Variants in SCHIP1 observed in about 807,000 individuals in gnomAD.
SCHIP1 encodes schwannomin-interacting protein 1.
In SCHIP1, 8 loss-of-function variants were observed where a neutral mutation model predicts 29.7. That is an observed-to-expected ratio of 0.27 (90% CI 0.16 to 0.49). SCHIP1 has a LOEUF of 0.49. SCHIP1 is among the 20% of genes least tolerant of loss of function. The probability of loss-of-function intolerance (pLI) is 0.99; values close to 1 mark genes in which losing one functional copy is unlikely to be tolerated. For synonymous variants in SCHIP1, 76 were observed against 94.9 expected (o/e 0.80, Z 1.16); for missense variants, 193 against 294.6 (o/e 0.66, Z 2.52).
At chr3:159,722,835 T>C in the SCHIP1 span, among the ~76,000 whole-genome samples, 1 of 152,244 alleles carries the variant, frequency 6.6e-6, no homozygotes, top group Non-Finnish European at 1.5e-5. Context: ...GAACCCTCTG[T>C]TTCTGAGTCC....
chr3:159,813,459 G>A, the SCHIP1 span, among the ~76,000 whole-genome samples: 1 of 152,162 alleles, frequency 6.6e-6, no homozygotes, highest in Non-Finnish European at 1.5e-5. Flanking sequence ...GAGCCCAGGA[G>A]GCAGGAGGAT....
the SCHIP1 span, among the ~76,000 whole-genome samples, chr3:159,432,066 A>G: frequency 6.6e-6 from 1 of 152,080 alleles, no homozygotes; most frequent in Non-Finnish European, 1.5e-5. Flanking sequence ...AGTAGCTTGT[A>G]TGGGTGGTCT....
chr3:159,335,131 C>A, the SCHIP1 span, among the ~76,000 whole-genome samples: 1 of 152,020 alleles, frequency 6.6e-6, no homozygotes, highest in Admixed American at 6.6e-5. Context: ...AACTCCTGAC[C>A]TTAAGTGATC....
At chr3:159,830,181 G>A in the SCHIP1 span, among the ~76,000 whole-genome samples, 1,093 of 152,252 alleles carry the variant, frequency 7.2e-3, 12 homozygotes, top group African/African-American at 0.025. Flanking sequence ...TTAGTTCTAT[G>A]TAAAGCTATA....
At chr3:159,422,181 C>A in the SCHIP1 span, among the ~76,000 whole-genome samples, 8 of 152,090 alleles carry the variant, frequency 5.3e-5, no homozygotes, top group Non-Finnish European at 1.2e-4. Flanking sequence ...ATATGCTAAG[C>A]AGAAGTCTGA....
At chr3:159,584,309 A>G in the SCHIP1 span, among the ~76,000 whole-genome samples, 1 of 152,186 alleles carries the variant, frequency 6.6e-6, no homozygotes, top group Non-Finnish European at 1.5e-5. Flanking sequence ...ACATGGACAG[A>G]GTCACATGCT....
chr3:159,681,812 CAACGTTAACTT>C, the SCHIP1 span, among the ~76,000 whole-genome samples: 1 of 152,172 alleles, frequency 6.6e-6, no homozygotes, highest in African/African-American at 2.4e-5. Context: ...TGGGTTAACT[CAACGTTAACTT>C]AGGTTAACTT....
chr3:159,643,771 T>A, the SCHIP1 span, among the ~76,000 whole-genome samples: 1 of 152,092 alleles, frequency 6.6e-6, no homozygotes, highest in East Asian at 1.9e-4. Context: ...TAATTGATGT[T>A]TTCTTCCTTA....
chr3:159,298,031 A>T, the SCHIP1 span, among the ~76,000 whole-genome samples: 1 of 152,220 alleles, frequency 6.6e-6, no homozygotes, highest in Non-Finnish European at 1.5e-5. Context: ...AGCAAGCTCT[A>T]TGAGGGTAGG....
At chr3:159,645,581 G>A in the SCHIP1 span, among the ~76,000 whole-genome samples, 450 of 152,200 alleles carry the variant, frequency 3.0e-3, 4 homozygotes, top group African/African-American at 9.5e-3. Context: ...CACCCTCTGC[G>A]TGTATTGGTA....
the SCHIP1 span, among the ~76,000 whole-genome samples, chr3:159,319,477 A>C: frequency 5.3e-5 from 8 of 152,186 alleles, no homozygotes; most frequent in Admixed American, 5.2e-4. Context: ...TGGTAACTTA[A>C]ATATCTGTTA....
chr3:159,686,041 A>T, the SCHIP1 span, among the ~76,000 whole-genome samples: 1 of 152,212 alleles, frequency 6.6e-6, no homozygotes, highest in African/African-American at 2.4e-5. Flanking sequence ...TGTGAGGCAG[A>T]TGGAAATCAT....
chr3:159,868,039 A>G (rs961481975), intron 2 of SCHIP1, among the ~76,000 whole-genome samples: 38 of 148,900 alleles, frequency 2.6e-4, no homozygotes, highest in African/African-American at 7.8e-4. Flanking sequence ...ATATATATAC[A>G]CACACATATA....
At chr3:159,328,722 C>T in the SCHIP1 span, among the ~76,000 whole-genome samples, 81 of 152,142 alleles carry the variant, frequency 5.3e-4, 1 homozygote, top group Admixed American at 3.1e-3. Flanking sequence ...TTGGGCACCA[C>T]ACCAGGGGTC....
chr3:159,464,673 C>T, the SCHIP1 span, among the ~76,000 whole-genome samples: 6 of 152,232 alleles, frequency 3.9e-5, no homozygotes, highest in South Asian at 2.1e-4. Flanking sequence ...GCCAGGGCCA[C>T]GTTAACACCA....
the SCHIP1 span, among the ~76,000 whole-genome samples, chr3:159,792,760 CT>C: frequency 9.2e-5 from 14 of 152,044 alleles, no homozygotes; most frequent in African/African-American, 3.4e-4. Context: ...TTTTTCAGGC[CT>C]TTGGTTTTCA....
chr3:159,745,770 A>T, the SCHIP1 span, among the ~76,000 whole-genome samples: 1 of 152,224 alleles, frequency 6.6e-6, no homozygotes, highest in African/African-American at 2.4e-5. Flanking sequence ...TTTAGAAATC[A>T]TCCTATTTTA....
chr3:159,635,977 T>A, the SCHIP1 span, among the ~76,000 whole-genome samples: 3 of 152,192 alleles, frequency 2.0e-5, no homozygotes, highest in Non-Finnish European at 2.9e-5. Context: ...AAAGATCTCA[T>A]GCTAACCATT....
At chr3:159,485,801 G>A in the SCHIP1 span, among the ~76,000 whole-genome samples, 2 of 152,126 alleles carry the variant, frequency 1.3e-5, no homozygotes, top group Non-Finnish European at 1.5e-5. Context: ...TAAATGGCAG[G>A]TGCATTGTTT....
Sources: gnomAD v4.1 joint callset for allele counts (sites outside exome capture counted in the v4.1 genomes callset) on GRCh38, gnomAD v4.1.1 for gene constraint, MANE v1.5 for transcripts, NCBI Gene and HGNC (gene_info 2026-07-23, HGNC 2026-07-21) for gene names.